MIR2052HG: variants seen among roughly 807,000 people sequenced by gnomAD.
MIR2052HG encodes MIR2052 host gene.
intron 4 of MIR2052HG, among the ~76,000 whole-genome samples, chr8:74,740,146 C>T (rs567374904): frequency 6.6e-6 from 1 of 152,118 alleles, no homozygotes; most frequent in East Asian, 1.9e-4. Context: ...TATTTTTATT[C>T]TTTTTCATTA....
At chr8:74,713,198 A>C (rs368733228) in intron 4 of MIR2052HG, among the ~76,000 whole-genome samples, 2 of 152,348 alleles carry the variant, frequency 1.3e-5, no homozygotes, top group African/African-American at 4.8e-5. Context: ...ATACAGCACT[A>C]TTAAAATGGT....
chr8:74,648,312 T>A (rs1458073078), intron 2 of MIR2052HG, among the ~76,000 whole-genome samples: 2 of 152,160 alleles, frequency 1.3e-5, no homozygotes, highest in Admixed American at 1.3e-4. Context: ...TCTCCTGCAG[T>A]ACCCTCAGCT....
intron 2 of MIR2052HG, among the ~76,000 whole-genome samples, chr8:74,666,765 C>T (rs1047329499): frequency 1.3e-5 from 2 of 152,172 alleles, no homozygotes; most frequent in African/African-American, 4.8e-5. Flanking sequence ...TAAGAAAGTG[C>T]CTCTTAATCC....
In MIR2052HG at chr8:74,675,637, T is replaced by A. The variant is rs147374723; in HGVS notation, n.217-26742T>A. ...TTGATCAGTGTGTAATTACTCCAAG[T>A]GGGGTCATTAGAAAAGACCTTTCTG... On this transcript the variant is annotated intron_variant and non_coding_transcript_variant, in intron 2 of 6. Transcript: ENST00000523442. Among the ~76,000 whole-genome samples the A allele has an allele frequency of 1.1e-3, 161 of 151,998 alleles. 1 individual carries two copies. The highest frequency in any genetic ancestry group is 3.6e-3 in the African/African-American group (148 of 41,504).
chr8:74,664,181 C>T (rs1247444149), intron 2 of MIR2052HG, among the ~76,000 whole-genome samples: 1 of 151,172 alleles, frequency 6.6e-6, no homozygotes, highest in Non-Finnish European at 1.5e-5. Flanking sequence ...GCGTACGATG[C>T]AAACTACTCA....
At chr8:74,600,187 T>A (rs13249217) in intron 1 of MIR2052HG, among the ~76,000 whole-genome samples, 41,962 of 151,978 alleles carry the variant, frequency 0.28, 6,334 homozygotes, top group Middle Eastern at 0.43. Flanking sequence ...TCACCCTTCT[T>A]CTGCGTCACT....
intron 2 of MIR2052HG, among the ~76,000 whole-genome samples, chr8:74,635,156 T>C (rs930206460): frequency 5.3e-5 from 8 of 151,972 alleles, no homozygotes; most frequent in Admixed American, 3.9e-4. Context: ...CTTATAACAG[T>C]TCCACAATTG....
intron 5 of MIR2052HG, chr8:74,757,898 A>T (rs1810021859): frequency 1.3e-5 from 2 of 152,126 alleles, no homozygotes; most frequent in African/African-American, 4.8e-5. Flanking sequence ...ATACCAAAAA[A>T]TGTCAGCCCA....
chr8:74,652,965 C>A (rs1384659445), intron 2 of MIR2052HG, among the ~76,000 whole-genome samples: 3 of 152,152 alleles, frequency 2.0e-5, no homozygotes, highest in Non-Finnish European at 4.4e-5. Flanking sequence ...AGTTAGCATG[C>A]CATAACAAAT....
intron 2 of MIR2052HG, among the ~76,000 whole-genome samples, chr8:74,688,283 G>T (rs1809204140): frequency 6.6e-6 from 1 of 152,118 alleles, no homozygotes; most frequent in African/African-American, 2.4e-5. Context: ...TATTACTTTT[G>T]TATATATTGT....
intron 4 of MIR2052HG, among the ~76,000 whole-genome samples, chr8:74,716,301 T>C (rs969150822): frequency 2.0e-5 from 3 of 152,188 alleles, no homozygotes; most frequent in African/African-American, 2.4e-5. Flanking sequence ...GAGTATCCCT[T>C]GCATCTGCTA....
At chr8:74,635,617 C>T (rs1022260053) in intron 2 of MIR2052HG, among the ~76,000 whole-genome samples, 2 of 152,092 alleles carry the variant, frequency 1.3e-5, no homozygotes, top group Non-Finnish European at 2.9e-5. Context: ...AGAATTTGAC[C>T]TTTATTTAAT....
At chr8:74,646,186 T>A (rs1808688636) in intron 2 of MIR2052HG, among the ~76,000 whole-genome samples, 2 of 148,260 alleles carry the variant, frequency 1.3e-5, no homozygotes, top group Non-Finnish European at 3.0e-5. Context: ...ATGTCTCTTC[T>A]CCATTCACAG....
intron 5 of MIR2052HG, chr8:74,756,711 T>A (rs1014797559): frequency 1.3e-5 from 2 of 152,102 alleles, no homozygotes; most frequent in African/African-American, 2.4e-5. Context: ...TGGACAGTGA[T>A]TCTACACTGA....
intron 1 of MIR2052HG, among the ~76,000 whole-genome samples, chr8:74,604,576 T>A (rs1388490612): frequency 6.0e-4 from 84 of 139,294 alleles, no homozygotes; most frequent in African/African-American, 2.2e-3. Flanking sequence ...CCGGCCTTGT[T>A]TCTTTACTTT....
chr8:74,651,183 C>T (rs1340337495), intron 2 of MIR2052HG, among the ~76,000 whole-genome samples: 4 of 151,198 alleles, frequency 2.6e-5, no homozygotes, highest in Non-Finnish European at 4.4e-5. Flanking sequence ...CATAAGGCCA[C>T]CATAGCCGTT....
At chr8:74,662,466 A>C (rs1808875765) in intron 2 of MIR2052HG, among the ~76,000 whole-genome samples, 1 of 152,084 alleles carries the variant, frequency 6.6e-6, no homozygotes, top group African/African-American at 2.4e-5. Flanking sequence ...GGAGAGCATT[A>C]GGTCAAATAC....
chr8:74,711,911 T>G (rs1809471802), intron 4 of MIR2052HG, among the ~76,000 whole-genome samples: 1 of 152,150 alleles, frequency 6.6e-6, no homozygotes, highest in South Asian at 2.1e-4. Context: ...GGGATGGTGC[T>G]GAATGCACTG....
At chr8:74,726,792 G>A (rs775919737) in intron 4 of MIR2052HG, among the ~76,000 whole-genome samples, 9 of 152,318 alleles carry the variant, frequency 5.9e-5, no homozygotes, top group Non-Finnish European at 1.2e-4. Context: ...AATACACTTC[G>A]TGTAGATACA....
Sources: gnomAD v4.1 joint callset for allele counts (sites outside exome capture counted in the v4.1 genomes callset) on GRCh38, gnomAD v4.1.1 for gene constraint, MANE v1.5 for transcripts, NCBI Gene and HGNC (gene_info 2026-07-23, HGNC 2026-07-21) for gene names.